The following ANKFY1 variants were observed in gnomAD, a reference collection of about 807,000 sequenced individuals.
The protein encoded by ANKFY1 is ankyrin repeat and FYVE domain containing 1.
ANKFY1 carries 47 observed loss-of-function variants against 128.3 expected under a neutral mutation model. The ratio of observed to expected loss-of-function variants is 0.37; its 90% CI spans 0.29 to 0.47. The LOEUF is 0.47. Ranked by LOEUF, ANKFY1 falls within the 20% of genes least tolerant of loss-of-function variation. ANKFY1 has a pLI of 1.00. For synonymous variants in ANKFY1, 553 were observed against 601.6 expected (o/e 0.92, Z 1.18); for missense variants, 1,222 against 1,510.6 (o/e 0.81, Z 3.17).
rs774311600 is a variant in ANKFY1 at position 4,179,808 on chromosome 17, C to T, written c.2310G>A (p.Gly770=). The T allele has an allele frequency of 6.2e-7, 1 of 1,614,216 alleles. No homozygotes were observed. The highest frequency in any genetic ancestry group is 8.5e-7 in the Non-Finnish European group (1 of 1,180,038). Residue 770 remains glycine (G), a synonymous_variant, in exon 17 of 25, where the codon GGG becomes GGA. Transcript: ENST00000341657. ...AGGCTGCCAAATGCAAAGGGGTCTGCCCATCTCTAGCCTCTTCCTCTCCTT... is the reference window on the plus strand; with the variant it reads ...AGGCTGCCAAATGCAAAGGGGTCTGTCCATCTCTAGCCTCTTCCTCTCCTT... ...NGEGEEEARD[G]QTPLHLAASW... is the part of the protein sequence containing the mutation.
intron 24 of ANKFY1, chr17:4,168,883 G>A (rs1190264296): frequency 1.2e-5 from 4 of 331,590 alleles, no homozygotes; most frequent in Non-Finnish European, 2.3e-5. Context: ...GGCACACCAT[G>A]AGGGCAGTAG....
chr17:4,241,981 C>A (rs1186616554), intron 2 of ANKFY1, among the ~76,000 whole-genome samples: 1 of 150,694 alleles, frequency 6.6e-6, no homozygotes, highest in Non-Finnish European at 1.5e-5. Context: ...CCCAGCCACT[C>A]GGGAGGCTGA....
rs532888200 is a variant in ANKFY1 at position 4,234,829 on chromosome 17, A to G, written c.322+943T>C. Among the ~76,000 whole-genome samples the G allele has an allele frequency of 1.5e-3, 225 of 152,288 alleles. 1 individual carries two copies. The highest frequency in any genetic ancestry group is 5.1e-3 in the African/African-American group (210 of 41,574). On this transcript the variant is annotated intron_variant, in intron 3 of 24. Transcript: ENST00000341657. Reference sequence around the variant, plus strand: ...CGGCCTTAAAATTCTTTTTTTAAAAACAAATTGTATTGTGTATATTTAAGC... The same window carrying G: ...CGGCCTTAAAATTCTTTTTTTAAAAGCAAATTGTATTGTGTATATTTAAGC...
intron 1 of ANKFY1, among the ~76,000 whole-genome samples, chr17:4,250,619 C>G (rs950023560): frequency 2.6e-5 from 4 of 152,122 alleles, no homozygotes; most frequent in African/African-American, 9.7e-5. Context: ...CCAATACCTT[C>G]CCAATAAAAA....
chr17:4,210,130 C>T (rs2060099297), intron 4 of ANKFY1, among the ~76,000 whole-genome samples, 183 bp from the exon 5 acceptor site: 2 of 152,292 alleles, frequency 1.3e-5, no homozygotes, highest in African/African-American at 2.4e-5. Context: ...ACTAGAATTT[C>T]ATTATAATAT....
intron 7 of ANKFY1, among the ~76,000 whole-genome samples, chr17:4,198,619 G>A (rs547908321): frequency 8.7e-4 from 133 of 152,166 alleles, no homozygotes; most frequent in Middle Eastern, 6.8e-3. Flanking sequence ...AAAACCACCT[G>A]CCTCGGCCTC....
chr17:4,220,978 TCTCTGAC>T (rs2060301413), intron 3 of ANKFY1, among the ~76,000 whole-genome samples: 2 of 152,062 alleles, frequency 1.3e-5, no homozygotes, highest in Admixed American at 1.3e-4. Flanking sequence ...GCCAGAAAAA[TCTCTGAC>T]TTCAAGGATG....
In ANKFY1 at chr17:4,169,333, G is replaced by T; in HGVS notation, c.3287-45C>A. The T allele has an allele frequency of 2.1e-6, 3 of 1,437,088 alleles. No individual in the cohort carries two copies. The highest frequency in any genetic ancestry group is 2.5e-5 in the South Asian group (2 of 81,314). The allele number at this position is 1,437,088 out of a possible 1,614,324, so 89.0% of individuals were successfully genotyped here. A position where few individuals can be genotyped will look rare whatever the true frequency, so the allele number is the denominator to read the frequency against. ...CCCGGTCCCGTCAAACCGCGACGGC[G>T]CCACGCAAGCCCCAGGGCTTGGAGG... is the stretch of plus-strand genomic sequence containing the variant. On this transcript the variant is annotated intron_variant, in intron 23 of 24. Coordinates refer to ENST00000341657, the MANE Select transcript of ANKFY1 (RefSeq NM_001330063.2). This position sits in a 1 kb window ranked among gnomAD's most constrained non-coding sequence, Gnocchi z 5.0.
At chr17:4,256,642 T>C (rs1968147030) in intron 1 of ANKFY1, among the ~76,000 whole-genome samples, 1 of 152,104 alleles carries the variant, frequency 6.6e-6, no homozygotes, top group East Asian at 1.9e-4. Context: ...CCATTAATCA[T>C]GAATATAGAA....
chr17:4,220,271 A>C (rs1320158382), intron 3 of ANKFY1, among the ~76,000 whole-genome samples: 1 of 152,252 alleles, frequency 6.6e-6, no homozygotes, highest in Non-Finnish European at 1.5e-5. Flanking sequence ...CAAATTTCTA[A>C]GCAGGCTTTG....
At chr17:4,211,557 CTCTT>C (rs978444876) in intron 4 of ANKFY1, among the ~76,000 whole-genome samples, 4 of 152,036 alleles carry the variant, frequency 2.6e-5, no homozygotes, top group Non-Finnish European at 5.9e-5. Context: ...AAAAACAAGA[CTCTT>C]TCAGAATCAT....
Position 4,203,566 on chromosome 17 carries a change from A to G in ANKFY1, c.898+2755T>C, listed in dbSNP as rs560544783. Among the ~76,000 whole-genome samples the G allele has an allele frequency of 1.2e-4, 18 of 152,258 alleles. No individual in the cohort carries two copies. The South Asian group carries it at 3.3e-3, about 28-fold the overall frequency. On this transcript the variant is annotated intron_variant, in intron 7 of 24. Coordinates refer to ENST00000341657, the MANE Select transcript of ANKFY1 (RefSeq NM_001330063.2). ...CGCAGTGGCTCACGTCTTTAATCCC[A>G]GCACTCTGGGAGGCTGAGGCGGGCG...
At chr17:4,247,787 A>G (rs1248404626) in intron 1 of ANKFY1, among the ~76,000 whole-genome samples, 1 of 152,182 alleles carries the variant, frequency 6.6e-6, no homozygotes, top group African/African-American at 2.4e-5. Context: ...CAGCCCCACT[A>G]CTGCCTAGTT....
At chr17:4,210,744 A>AT (rs2060114458) in intron 4 of ANKFY1, among the ~76,000 whole-genome samples, 1 of 147,214 alleles carries the variant, frequency 6.8e-6, no homozygotes, top group Admixed American at 6.9e-5. Context: ...CTCTCCTATA[A>AT]GATGAATGTG....
chr17:4,184,849 C>A lies in ANKFY1; in HGVS notation c.1668G>T (p.Pro556=). The A allele has an allele frequency of 6.2e-7, 1 of 1,613,732 alleles. No homozygotes were observed. Among genetic ancestry groups the A allele is most frequent in the Non-Finnish European group, 8.5e-7 (1 of 1,180,038 alleles). Residue 556 remains proline, a synonymous_variant, in exon 12 of 25, where the codon CCG becomes CCT. Coordinates refer to ENST00000341657, the MANE Select transcript of ANKFY1 (RefSeq NM_001330063.2). ...GCTCCAGGATGACAGACACCACATC[C>A]GGATGGTTATAGGCGATCGCCATGT... The part of the protein sequence containing the change: ...PLHMAIAYNH[P]DVVSVILEQK...
intron 7 of ANKFY1, among the ~76,000 whole-genome samples, chr17:4,199,751 C>T (rs2059893486): frequency 6.6e-6 from 1 of 152,144 alleles, no homozygotes; most frequent in Non-Finnish European, 1.5e-5. Flanking sequence ...TTCTGAAAAA[C>T]CAGTTAAAGT....
intron 18 of ANKFY1, 139 bp from the exon 19 acceptor site, chr17:4,177,441 G>T: frequency 1.4e-6 from 1 of 727,024 alleles, no homozygotes; most frequent in Non-Finnish European, 2.1e-6. Context: ...TCCCAAGAAT[G>T]AACATGAAAC....
intron 1 of ANKFY1, among the ~76,000 whole-genome samples, chr17:4,250,219 T>C (rs1967753982): frequency 6.6e-6 from 1 of 152,176 alleles, no homozygotes; most frequent in Non-Finnish European, 1.5e-5. Context: ...GTCACTGCTA[T>C]AAAAATGGAC....
intron 1 of ANKFY1, among the ~76,000 whole-genome samples, chr17:4,243,356 G>C (rs1184766312): frequency 6.6e-6 from 1 of 151,120 alleles, no homozygotes; most frequent in Non-Finnish European, 1.5e-5. Flanking sequence ...ATGAGCTACC[G>C]CGCCCAGCCT....
Sources: allele counts gnomAD v4.1 joint callset (sites outside exome capture counted in the v4.1 genomes callset), GRCh38; gene constraint gnomAD v4.1.1; non-coding constraint Gnocchi (gnomAD v3.1); transcripts MANE v1.5; gene names NCBI Gene and HGNC (gene_info 2026-07-23, HGNC 2026-07-21).